Variants in DMD observed in about 807,000 individuals in gnomAD.
The protein encoded by DMD is mutant dystrophin.
A neutral mutation model predicts 330.1 loss-of-function variants in DMD; 63 were observed. The ratio of observed to expected loss-of-function variants is 0.19; its 90% CI spans 0.16 to 0.24. The LOEUF (loss-of-function observed/expected upper bound fraction) is 0.24. Ranked by LOEUF, DMD falls within the 10% of genes least tolerant of loss-of-function variation. The pLI is 1.00. For synonymous variants in DMD, 1,223 were observed against 959.8 expected (o/e 1.27, Z -5.07); for missense variants, 3,344 against 2,684.1 (o/e 1.25, Z -5.43).
At chrX:32,735,999 A>T (rs1177867233) in intron 7 of DMD, among the ~76,000 whole-genome samples, 2 of 111,440 alleles carry the variant, frequency 1.8e-5, no homozygotes, top group African/African-American at 6.5e-5. Context: ...ATGGGAGAAA[A>T]TTTTTGCAAC....
chrX:32,976,226 A>AAG (rs2092547089), intron 2 of DMD, among the ~76,000 whole-genome samples: 1 of 109,414 alleles, frequency 9.1e-6, no homozygotes, highest in Non-Finnish European at 1.9e-5. Flanking sequence ...TCTCAAAAAA[A>AAG]AAAAAATACA....
chrX:33,293,165 AC>A (rs1472658327), intron 1 of DMD, among the ~76,000 whole-genome samples: 1 of 111,144 alleles, frequency 9.0e-6, no homozygotes, highest in African/African-American at 3.3e-5. Flanking sequence ...CTCTGTGAAA[AC>A]CAGGCGATGT....
intron 9 of DMD, among the ~76,000 whole-genome samples, chrX:32,661,444 A>G (rs2060940192): frequency 9.0e-6 from 1 of 111,656 alleles, no homozygotes; most frequent in East Asian, 2.8e-4. Context: ...AAGAGCTAAT[A>G]AAAAGCAGAG....
intron 44 of DMD, among the ~76,000 whole-genome samples, chrX:32,017,676 G>A (rs775604613): frequency 8.9e-6 from 1 of 111,783 alleles, no homozygotes; most frequent in Admixed American, 9.5e-5. Context: ...GTATATCCAA[G>A]ATGGCAAGAT....
chrX:31,652,567 G>A (rs1462723711), intron 54 of DMD, among the ~76,000 whole-genome samples: 1 of 111,679 alleles, frequency 9.0e-6, no homozygotes, highest in Non-Finnish European at 1.9e-5. Context: ...TAGGCATTGT[G>A]CCAAGCACCT....
At chrX:32,924,800 G>T (rs1266856924) in intron 2 of DMD, among the ~76,000 whole-genome samples, 1 of 111,404 alleles carries the variant, frequency 9.0e-6, no homozygotes, top group Non-Finnish European at 1.9e-5. Context: ...GCTGGGACAT[G>T]AATAAATTGC....
chrX:31,375,229 C>G (rs1215796345), intron 60 of DMD, among the ~76,000 whole-genome samples: 2 of 112,072 alleles, frequency 1.8e-5, no homozygotes, highest in Non-Finnish European at 3.8e-5. Context: ...TTACTGGGGA[C>G]AACTCTGAAA....
Position 31,649,266 on chromosome X carries a change from T to C in DMD, c.8027+8724A>G, listed in dbSNP as rs183438755. 2.7e-4 allele frequency among the ~76,000 whole-genome samples: 30 copies of C among 111,711 alleles called. No homozygotes were observed. In the East Asian group the frequency reaches 7.7e-3, roughly 28 times the overall value. ...TGATACATAGGAGCATTTCTAAGCATATATTTTGGTGCGTTGGTTCAGCCC... is the reference window on the plus strand; with the variant it reads ...TGATACATAGGAGCATTTCTAAGCACATATTTTGGTGCGTTGGTTCAGCCC... On this transcript the variant is annotated intron_variant, in intron 54 of 78. Transcript: ENST00000357033.
At chrX:31,749,108 G>C (rs1028727374) in intron 51 of DMD, among the ~76,000 whole-genome samples, 2 of 107,282 alleles carry the variant, frequency 1.9e-5, no homozygotes, top group African/African-American at 6.8e-5. Flanking sequence ...GATAGCATTT[G>C]TTTGTTTCTT....
At chrX:32,178,981 T>TCTCTCTCC (rs1491516171) in intron 44 of DMD, among the ~76,000 whole-genome samples, 26 of 98,174 alleles carry the variant, frequency 2.6e-4, no homozygotes, top group African/African-American at 8.9e-4. Context: ...TCTCTCTCTC[T>TCTCTCTCC]CCCTCTCCTC....
chrX:31,916,127 T>C (rs1351093270), intron 47 of DMD, among the ~76,000 whole-genome samples: 2 of 111,687 alleles, frequency 1.8e-5, no homozygotes, highest in African/African-American at 6.5e-5. Context: ...TGAGAGACCA[T>C]ATGGAGCAGA....
chrX:32,643,136 C>T (rs534789645), intron 11 of DMD, among the ~76,000 whole-genome samples: 7 of 110,724 alleles, frequency 6.3e-5, no homozygotes, highest in Admixed American at 9.6e-5. Context: ...TCACAGCAGG[C>T]GAATAATATC....
At chrX:32,536,059 G>T (rs896831620) in intron 17 of DMD, among the ~76,000 whole-genome samples, 10 of 110,498 alleles carry the variant, frequency 9.0e-5, no homozygotes, top group African/African-American at 3.3e-4. Flanking sequence ...GAGGTCAACA[G>T]ATCAAGCCCA....
intron 1 of DMD, among the ~76,000 whole-genome samples, chrX:33,180,439 A>T (rs942208222): frequency 9.0e-5 from 10 of 111,523 alleles, no homozygotes; most frequent in Non-Finnish European, 1.9e-4. Flanking sequence ...ACACGCGCAC[A>T]CACACATGCA....
intron 1 of DMD, among the ~76,000 whole-genome samples, chrX:33,120,031 C>T (rs1318272483): frequency 9.0e-6 from 1 of 111,444 alleles, no homozygotes; most frequent in Non-Finnish European, 1.9e-5. Flanking sequence ...GAAGTCATCC[C>T]GTGTGAGTTT....
chrX:32,581,538 C>T (rs1403059225), intron 13 of DMD, among the ~76,000 whole-genome samples: 1 of 111,907 alleles, frequency 8.9e-6, no homozygotes, highest in Non-Finnish European at 1.9e-5. Context: ...ATTTTAGATG[C>T]AATAGACCAA....
Position 31,145,662 on chromosome X carries a change from A to ATTTTTTT in DMD, c.10921+622_10921+628dup, listed in dbSNP as rs749721258. On this transcript the variant is annotated intron_variant, in intron 76 of 78. Coordinates refer to ENST00000357033, the MANE Select transcript of DMD (RefSeq NM_004006.3). ...TCAGTCCCCAGACCCTGGGAACTCTATTTTTTTTTTTTTTTTTTGAGACAC... is the reference window on the plus strand; with the variant it reads ...TCAGTCCCCAGACCCTGGGAACTCTATTTTTTTTTTTTTTTTTTTTTTTTTGAGACAC... Among the ~76,000 whole-genome samples, 245 of 86,275 alleles carry ATTTTTTT rather than the reference A, an allele frequency of 2.8e-3. 6 individuals carry two copies. The highest frequency in any genetic ancestry group is 0.018 in the Middle Eastern group (3 of 170). The allele number at this position is 86,275 out of a possible 115,157, so 74.9% of individuals were successfully genotyped here. A position where few individuals can be genotyped will look rare whatever the true frequency, so the allele number is the denominator to read the frequency against.
Position 32,317,233 on chromosome X carries a change from A to G in DMD, c.5923-6957T>C, listed in dbSNP as rs762352512. Among the ~76,000 whole-genome samples the G allele has an allele frequency of 4.0e-4, 45 of 111,383 alleles. No individual in the cohort carries two copies. In the East Asian group the frequency reaches 9.6e-3, roughly 24 times the overall value. ...TTTCATTTTTAACCATATATACCCC[A>G]AAGAATATACTAGCCTCATTTTCTA... On this transcript the variant is annotated intron_variant, in intron 41 of 78. Coordinates refer to ENST00000357033, the MANE Select transcript of DMD (RefSeq NM_004006.3).
intron 13 of DMD, among the ~76,000 whole-genome samples, chrX:32,587,200 C>CA (rs1569256460): frequency 8.9e-6 from 1 of 111,830 alleles, no homozygotes. Flanking sequence ...TCTTTCTGAA[C>CA]AACTACCTTT....
Sources: allele counts gnomAD v4.1 joint callset (sites outside exome capture counted in the v4.1 genomes callset), GRCh38; gene constraint gnomAD v4.1.1; transcripts MANE v1.5; gene names NCBI Gene and HGNC (gene_info 2026-07-23, HGNC 2026-07-21).